Variants in DPH6 observed in about 807,000 individuals in gnomAD.
The protein encoded by DPH6 is diphthamine biosynthesis 6.
DPH6 carries 33 observed loss-of-function variants against 38.2 expected under a neutral mutation model. The observed-to-expected ratio is 0.86, with a 90% CI of 0.65 to 1.15. The LOEUF (loss-of-function observed/expected upper bound fraction) is 1.15. Ranked by LOEUF, DPH6 falls within the 50% of genes most tolerant of loss-of-function variation. The probability of loss-of-function intolerance (pLI) is 0.00; values close to 1 mark genes in which losing one functional copy is unlikely to be tolerated. For synonymous variants in DPH6, 108 were observed against 103.0 expected (o/e 1.05, Z -0.30); for missense variants, 325 against 320.0 (o/e 1.02, Z -0.12).
intron 3 of DPH6, among the ~76,000 whole-genome samples, chr15:35,232,580 C>G (rs1278270607): frequency 6.6e-6 from 1 of 150,576 alleles, no homozygotes; most frequent in Non-Finnish European, 1.5e-5. Flanking sequence ...TACTCCGTGT[C>G]AAAAACAAAA....
intron 3 of DPH6, among the ~76,000 whole-genome samples, chr15:35,496,316 A>T (rs1312665764): frequency 6.6e-6 from 1 of 151,692 alleles, no homozygotes; most frequent in Non-Finnish European, 1.5e-5. Context: ...GCACTTTGGG[A>T]GGCCGAGGCG....
At chr15:35,206,103 A>C in the DPH6 span, among the ~76,000 whole-genome samples, 1 of 152,162 alleles carries the variant, frequency 6.6e-6, no homozygotes, top group Non-Finnish European at 1.5e-5. Context: ...TAACTTTGTG[A>C]TTGCGAAAAT....
rs144057849 is a variant in DPH6, at chr15:35,291,032, T to G, written n.201-70450A>C. On this transcript the variant is annotated intron_variant and non_coding_transcript_variant, in intron 3 of 3. Transcript: ENST00000560386. ...CATTAGCCAAAAACTAACCTAACAT[T>G]CAAAGAAGTGAATGCAGGAGCATTA... 4.5e-4 allele frequency among the ~76,000 whole-genome samples: 69 copies of G among 151,924 alleles called. 2 individuals carry two copies. Among genetic ancestry groups the G allele is most frequent in the African/African-American group, 1.4e-3 (58 of 41,478 alleles).
chr15:35,336,315 C>T (rs1193305277), intron 3 of DPH6, among the ~76,000 whole-genome samples: 1 of 151,890 alleles, frequency 6.6e-6, no homozygotes, highest in East Asian at 1.9e-4. Context: ...ACCAATCAGA[C>T]GAAGATTTGG....
the DPH6 span, among the ~76,000 whole-genome samples, chr15:35,150,666 G>C: frequency 6.6e-6 from 1 of 152,110 alleles, no homozygotes; most frequent in South Asian, 2.1e-4. Context: ...AACTTGTGGC[G>C]AAGAACACAT....
chr15:35,456,614 A>G (rs965380255), intron 3 of DPH6, among the ~76,000 whole-genome samples: 2 of 151,644 alleles, frequency 1.3e-5, no homozygotes, highest in African/African-American at 4.8e-5. Flanking sequence ...CAGCCTCCCG[A>G]CTAGCTGGGA....
intron 3 of DPH6, among the ~76,000 whole-genome samples, chr15:35,461,840 T>C (rs2141106535): frequency 6.6e-6 from 1 of 152,306 alleles, no homozygotes; most frequent in Middle Eastern, 3.4e-3. Context: ...AACCACTTAC[T>C]CTCTTCTATA....
intron 3 of DPH6, among the ~76,000 whole-genome samples, chr15:35,362,536 T>C (rs986140988): frequency 2.6e-5 from 4 of 152,232 alleles, no homozygotes; most frequent in African/African-American, 7.2e-5. Flanking sequence ...TTTTCAGGCA[T>C]TGTAATAAGC....
intron 3 of DPH6, among the ~76,000 whole-genome samples, chr15:35,285,875 T>TTTTTTTTTG (rs2051940038): frequency 7.5e-6 from 1 of 133,920 alleles, no homozygotes; most frequent in South Asian, 2.5e-4. Flanking sequence ...TCTTTGAGTT[T>TTTTTTTTTG]TTTTTTTTTT....
intron 6 of DPH6, among the ~76,000 whole-genome samples, chr15:35,386,376 C>G (rs904623660): frequency 1.3e-5 from 2 of 152,198 alleles, no homozygotes; most frequent in African/African-American, 2.4e-5. Flanking sequence ...AATGGGATGG[C>G]TGGGTCAAAT....
chr15:35,545,500 G>C (rs2055332977), intron 1 of DPH6, among the ~76,000 whole-genome samples: 1 of 152,186 alleles, frequency 6.6e-6, no homozygotes, highest in African/African-American at 2.4e-5. Context: ...TCTCTACCAC[G>C]AAGAGAGATC....
chr15:35,404,327 T>C (rs920332572), intron 6 of DPH6, among the ~76,000 whole-genome samples: 1 of 152,188 alleles, frequency 6.6e-6, no homozygotes, highest in Non-Finnish European at 1.5e-5. Context: ...GTAGTTGTAC[T>C]AATTTACATT....
At chr15:35,311,519 T>G (rs143244514) in intron 3 of DPH6, among the ~76,000 whole-genome samples, 1 of 152,284 alleles carries the variant, frequency 6.6e-6, no homozygotes, top group African/African-American at 2.4e-5. Flanking sequence ...ACCAAATAGA[T>G]GCCCTCCTTA....
chr15:35,316,396 T>C (rs1034560026), intron 3 of DPH6, among the ~76,000 whole-genome samples: 1 of 152,162 alleles, frequency 6.6e-6, no homozygotes, highest in Non-Finnish European at 1.5e-5. Flanking sequence ...GAATAATTTA[T>C]AGATTCCAGA....
intron 3 of DPH6, among the ~76,000 whole-genome samples, chr15:35,526,151 T>C (rs182269293): frequency 1.3e-5 from 2 of 152,314 alleles, no homozygotes; most frequent in East Asian, 3.9e-4. Flanking sequence ...ATGGGTTATT[T>C]ATCAAATGAT....
intron 3 of DPH6, among the ~76,000 whole-genome samples, chr15:35,281,966 T>G (rs1227928554): frequency 6.6e-6 from 1 of 152,222 alleles, no homozygotes; most frequent in African/African-American, 2.4e-5. Flanking sequence ...ATAGAACAAC[T>G]ACAGCATTAT....
At chr15:35,442,936 A>G (rs917418889) in intron 5 of DPH6, among the ~76,000 whole-genome samples, 1 of 152,206 alleles carries the variant, frequency 6.6e-6, no homozygotes, top group Admixed American at 6.5e-5. Flanking sequence ...TTTTTGGGGA[A>G]CACAAATTCT....
the DPH6 span, among the ~76,000 whole-genome samples, chr15:35,163,351 A>G: frequency 6.6e-6 from 1 of 151,910 alleles, no homozygotes; most frequent in Non-Finnish European, 1.5e-5. Context: ...AAGTGAAATC[A>G]TGCAACATTC....
intron 5 of DPH6, among the ~76,000 whole-genome samples, chr15:35,415,753 T>C (rs1171599697): frequency 6.6e-6 from 1 of 152,032 alleles, no homozygotes; most frequent in African/African-American, 2.4e-5. Context: ...ATTCTTGGGC[T>C]AAGCACTAAA....
Sources: allele counts gnomAD v4.1 joint callset (sites outside exome capture counted in the v4.1 genomes callset), GRCh38; gene constraint gnomAD v4.1.1; transcripts MANE v1.5; gene names NCBI Gene and HGNC (gene_info 2026-07-23, HGNC 2026-07-21).